Variants in PACS2 observed in about 807,000 individuals in gnomAD.
The protein encoded by PACS2 is phosphofurin acidic cluster sorting protein 2.
PACS2 carries 36 observed loss-of-function variants against 113.0 expected under a neutral mutation model. The observed-to-expected ratio is 0.32, with a 90% CI of 0.24 to 0.42. PACS2 has a LOEUF of 0.42. Among genes scored for constraint, PACS2 ranks in the 10% least tolerant of loss-of-function variants. The pLI, the probability that PACS2 is intolerant of heterozygous loss-of-function variation, is 1.00. For synonymous variants in PACS2, 589 were observed against 536.1 expected, an observed-to-expected ratio of 1.10 and a Z score of -1.36; for missense variants, 1,015 against 1,239.5, an observed-to-expected ratio of 0.82 and a Z score of 2.72.
At chr14:105,382,361 C>A in intron 13 of PACS2, 116 bp from the exon 14 acceptor site, 1 of 742,866 alleles carries the variant, frequency 1.3e-6, no homozygotes, top group Non-Finnish European at 2.4e-6. Flanking sequence ...TCTCTTCCTG[C>A]CACCGAGCCT....
chr14:105,320,959 C>T (rs2058863606), intron 1 of PACS2, among the ~76,000 whole-genome samples: 1 of 152,124 alleles, frequency 6.6e-6, no homozygotes, highest in African/African-American at 2.4e-5. Context: ...TCGAGACCAG[C>T]CTGGGCAACG....
At chr14:105,333,782 G>T (rs899670212) in intron 1 of PACS2, among the ~76,000 whole-genome samples, 2 of 152,232 alleles carry the variant, frequency 1.3e-5, no homozygotes, top group African/African-American at 4.8e-5. Context: ...CTCACTGAGG[G>T]TCACAGCCTG....
At position 105,358,106 on chromosome 14, in the gene PACS2, A is replaced by T. The variant is rs1418441276; in HGVS notation, c.423+2929A>T. 6.6e-6 allele frequency among the ~76,000 whole-genome samples: 1 copy of T among 152,126 alleles called. No homozygotes were observed. Among genetic ancestry groups the T allele is most frequent in the African/African-American group, 2.4e-5 (1 of 41,422 alleles). ...GCTGGGAGCAGCCTGGGCCCCTGCC[A>T]CACCATAGCTCTGCCCTCACCTGGC... On this transcript the variant is annotated intron_variant, in intron 4 of 24. Transcript: ENST00000447393. The surrounding 1 kb of genome is among the most constrained non-coding windows in gnomAD (Gnocchi z 4.9).
In PACS2 at chr14:105,353,090, G is replaced by GC. The variant is rs587623413; in HGVS notation, c.297+631dup. Among the ~76,000 whole-genome samples the GC allele has an allele frequency of 3.9e-4, 44 of 112,608 alleles. 3 individuals are homozygous for GC. The highest frequency in any genetic ancestry group is 1.7e-3 in the African/African-American group (42 of 24,576). The allele number at this position is 112,608 out of a possible 152,430, so 73.9% of individuals were successfully genotyped here. On this transcript the variant is annotated intron_variant, in intron 3 of 24. Transcript: ENST00000447393. Reference sequence around the variant, plus strand: ...CCATCACTGTCCCCTGGGGTGACAGGCCCCCCCCATCACTGTCCCCTGGGG... The same window carrying GC: ...CCATCACTGTCCCCTGGGGTGACAGGCCCCCCCCCATCACTGTCCCCTGGGG...
chr14:105,311,028 A>G (rs767066152), upstream of PACS2, among the ~76,000 whole-genome samples: 3 of 150,772 alleles, frequency 2.0e-5, no homozygotes, highest in Admixed American at 6.6e-5. Flanking sequence ...TCTTGGCTCA[A>G]TGGAACCTCT....
chr14:105,373,983 C>T (rs1339370362), intron 8 of PACS2, among the ~76,000 whole-genome samples: 1 of 151,904 alleles, frequency 6.6e-6, no homozygotes, highest in African/African-American at 2.4e-5. Context: ...GAAATCCCGT[C>T]TCTACTAAAA....
Position 105,385,685 on chromosome 14 carries a change from GA to G in PACS2, c.2006del (p.Lys669SerfsTer9). 1 of 1,521,420 alleles carries G rather than the reference GA, an allele frequency of 6.6e-7. No homozygotes were observed. The highest frequency in any genetic ancestry group is 1.2e-5 in the South Asian group (1 of 82,198). The allele number at this position is 1,521,420 out of a possible 1,614,324, so 94.2% of individuals were successfully genotyped here. On this transcript the variant is annotated frameshift_variant and splice_region_variant, in exon 19 of 25. Transcript: ENST00000447393. LOFTEE classifies it high-confidence loss of function. ...EAMLTYKQKR[K>X]KHFHFDFTLS... The stretch of plus-strand genomic sequence containing the variant: ...TCTCTTTTGGTGGCTTTCTGAAAAG[GA>G]AAAAGCATTTTCATTTTGACTTTAC...
chr14:105,394,752 A>G lies in PACS2; in HGVS notation c.*80A>G, dbSNP rs781813056. On this transcript the variant is annotated 3_prime_UTR_variant, in exon 25 of 25. Coordinates refer to ENST00000447393, the MANE Select transcript of PACS2 (RefSeq NM_001100913.3). Reference sequence around the variant, plus strand: ...ATTTCTGTTAACATTTCAGTTTACTACAGAGACAGACGCTTAAAACACAAA... The same window carrying G: ...ATTTCTGTTAACATTTCAGTTTACTGCAGAGACAGACGCTTAAAACACAAA... 37 of 880,244 alleles carry G rather than the reference A, an allele frequency of 4.2e-5. No individual in the cohort carries two copies. The highest frequency in any genetic ancestry group is 7.3e-5 in the East Asian group (3 of 41,220). 54.5% of individuals were successfully genotyped at this position (880,244 alleles called of 1,614,324 possible).
intron 1 of PACS2, among the ~76,000 whole-genome samples, chr14:105,304,292 C>G (rs587645997): frequency 3.3e-5 from 5 of 152,190 alleles, no homozygotes; most frequent in African/African-American, 1.2e-4. Context: ...GAGATCAAGA[C>G]CGTCCTGGCC....
intron 1 of PACS2, among the ~76,000 whole-genome samples, chr14:105,305,507 A>G (rs2058161533): frequency 6.6e-6 from 1 of 152,186 alleles, no homozygotes. Context: ...ATGAACCAGG[A>G]AGTGGCCCTC....
chr14:105,316,438 C>T (rs1003455042), intron 1 of PACS2, among the ~76,000 whole-genome samples: 2 of 152,216 alleles, frequency 1.3e-5, no homozygotes, highest in African/African-American at 2.4e-5. Flanking sequence ...CCTGTCTGCC[C>T]CTCTGAGTCA....
Position 105,376,937 on chromosome 14 carries a change from A to T in PACS2, c.959+12A>T. 4 of 1,586,750 alleles carry T rather than the reference A, an allele frequency of 2.5e-6. No individual in the cohort carries two copies. The highest frequency in any genetic ancestry group is 3.4e-6 in the Non-Finnish European group (4 of 1,165,026). On this transcript the variant is annotated intron_variant, in intron 9 of 24. Coordinates refer to ENST00000447393, the MANE Select transcript of PACS2 (RefSeq NM_001100913.3). This position sits in a 1 kb window ranked among gnomAD's most constrained non-coding sequence, Gnocchi z 4.7. ...AAGCCGAAGCTGCGGTGAGCCCTACAGGGCGGGGCGGGGAGGAACAGCCAT... is the reference window on the plus strand; with the variant it reads ...AAGCCGAAGCTGCGGTGAGCCCTACTGGGCGGGGCGGGGAGGAACAGCCAT...
chr14:105,320,004 A>G (rs1023666092), intron 1 of PACS2, among the ~76,000 whole-genome samples: 49 of 152,186 alleles, frequency 3.2e-4, no homozygotes, highest in African/African-American at 1.2e-3. Flanking sequence ...TTTGAGACAG[A>G]GTCTCGCTCT....
At chr14:105,326,919 C>G (rs1197030726) in intron 1 of PACS2, among the ~76,000 whole-genome samples, 4 of 152,228 alleles carry the variant, frequency 2.6e-5, no homozygotes, top group Non-Finnish European at 4.4e-5. Context: ...CCTGCAGTTT[C>G]CAGCTTGGCC....
rs889205060 is a variant in PACS2 at position 105,354,405 on chromosome 14, T to C, written c.298-647T>C. Among the ~76,000 whole-genome samples, 2 of 152,198 alleles carry C rather than the reference T, an allele frequency of 1.3e-5. 1 individual carries two copies. The highest frequency in any genetic ancestry group is 2.9e-5 in the Non-Finnish European group (2 of 68,046). On this transcript the variant is annotated intron_variant, in intron 3 of 24. Coordinates refer to ENST00000447393, the MANE Select transcript of PACS2 (RefSeq NM_001100913.3). The surrounding 1 kb of genome is among the most constrained non-coding windows in gnomAD (Gnocchi z 4.2). ...GTGTGAGCCACCGCGCCTGGCCCAA[T>C]GCTCCATGGTTCAGTGGGTTTTGAT... is the stretch of plus-strand genomic sequence containing the variant.
intron 4 of PACS2, among the ~76,000 whole-genome samples, chr14:105,361,158 A>G (rs1033134212): frequency 3.3e-5 from 5 of 152,240 alleles, no homozygotes; most frequent in Middle Eastern, 3.4e-3. Context: ...TGATATCTCA[A>G]CTTTTTCCCA....
chr14:105,346,657 CCACCCG>C (rs1383760522), intron 1 of PACS2, among the ~76,000 whole-genome samples: 2 of 20,200 alleles, frequency 9.9e-5, no homozygotes, highest in African/African-American at 5.2e-4. Context: ...TCCCCCACCC[CCACCCG>C]CACGGCATCA....
At chr14:105,328,800 A>G (rs2059207697) in intron 1 of PACS2, among the ~76,000 whole-genome samples, 2 of 152,236 alleles carry the variant, frequency 1.3e-5, no homozygotes, top group Admixed American at 1.3e-4. Context: ...ATTGTAAAAA[A>G]GATTCCAGTG....
chr14:105,352,840 C>T (rs1364244362), intron 3 of PACS2, among the ~76,000 whole-genome samples: 1 of 126,720 alleles, frequency 7.9e-6, no homozygotes, highest in Non-Finnish European at 1.7e-5. Flanking sequence ...GGGAGACGGG[C>T]CCCCCCATCA....
Sources: allele counts gnomAD v4.1 joint callset (sites outside exome capture counted in the v4.1 genomes callset), GRCh38; gene constraint gnomAD v4.1.1; non-coding constraint Gnocchi (gnomAD v3.1); transcripts MANE v1.5; gene names NCBI Gene and HGNC (gene_info 2026-07-23, HGNC 2026-07-21).